LRRC18: variants seen among roughly 807,000 people sequenced by gnomAD.
LRRC18 encodes the protein leucine-rich repeat-containing protein 18.
In LRRC18, 12 loss-of-function variants were observed where a neutral mutation model predicts 11.2. The ratio of observed to expected loss-of-function variants is 1.07; its 90% CI spans 0.69 to 1.74. The LOEUF (loss-of-function observed/expected upper bound fraction) is 1.74. Ranked by LOEUF, LRRC18 falls within the 40% of genes most tolerant of loss-of-function variation. The probability of loss-of-function intolerance (pLI) is 0.00; values close to 1 mark genes in which losing one functional copy is unlikely to be tolerated. For synonymous variants in LRRC18, 155 were observed against 130.6 expected (o/e 1.19, Z -1.27); for missense variants, 374 against 330.5 (o/e 1.13, Z -1.02).
At chr10:48,932,753 A>G in the LRRC18 span, 1 of 152,154 alleles carries the variant, frequency 6.6e-6, no homozygotes, top group East Asian at 1.9e-4. Context: ...GAGAATGCCA[A>G]AGTCAGAAAG....
chr10:48,938,211 G>A, the LRRC18 span, among the ~76,000 whole-genome samples: 1 of 152,234 alleles, frequency 6.6e-6, no homozygotes, highest in Admixed American at 6.5e-5. Context: ...CACAACATGG[G>A]AGAATTTGGA....
chr10:48,931,261 G>A, the LRRC18 span, among the ~76,000 whole-genome samples: 1 of 152,216 alleles, frequency 6.6e-6, no homozygotes, highest in Non-Finnish European at 1.5e-5. Flanking sequence ...ACAGGAATTG[G>A]GCAGCAGGTG....
chr10:48,928,353 C>CGTGT, the LRRC18 span, among the ~76,000 whole-genome samples: 19,149 of 124,838 alleles, frequency 0.15, 1,676 homozygotes, highest in East Asian at 0.39. Flanking sequence ...TTGGTTTTGA[C>CGTGT]GTGTGTGTGT....
the LRRC18 span, among the ~76,000 whole-genome samples, chr10:48,935,811 C>T: frequency 6.6e-6 from 1 of 152,114 alleles, no homozygotes; most frequent in Non-Finnish European, 1.5e-5. Flanking sequence ...AATGAACACA[C>T]AGCAGTAAGC....
chr10:48,928,083 C>CAG, the LRRC18 span, among the ~76,000 whole-genome samples: 1 of 152,174 alleles, frequency 6.6e-6, no homozygotes, highest in Non-Finnish European at 1.5e-5. Flanking sequence ...CTGCTATTGC[C>CAG]AGACAGGTGT....
intron 1 of LRRC18, among the ~76,000 whole-genome samples, chr10:48,911,876 G>T (rs1838037745): frequency 6.6e-6 from 1 of 152,174 alleles, no homozygotes; most frequent in Non-Finnish European, 1.5e-5. Flanking sequence ...TGATAGGGTT[G>T]TCATAGCTAA....
chr10:48,912,109 A>T (rs2133481958), intron 1 of LRRC18, among the ~76,000 whole-genome samples: 1 of 152,328 alleles, frequency 6.6e-6, no homozygotes, highest in African/African-American at 2.4e-5. Flanking sequence ...TACCCACATG[A>T]AGGTGTGAGA....
chr10:48,910,115 G>T (rs377008312), exon 2 of LRRC18: 1 of 927,580 alleles, frequency 1.1e-6, no homozygotes, highest in African/African-American at 1.6e-5. Context: ...GGCCAGCTCC[G>T]GCGAGCCTGG....
At chr10:48,923,496 GTATA>G in the LRRC18 span, among the ~76,000 whole-genome samples, 28 of 63,252 alleles carry the variant, frequency 4.4e-4, 2 homozygotes, top group African/African-American at 8.7e-4. Context: ...ATAGTTTTTA[GTATA>G]TATATATATA....
the LRRC18 span, among the ~76,000 whole-genome samples, chr10:48,919,886 G>C: frequency 4.5e-4 from 69 of 152,130 alleles, no homozygotes; most frequent in African/African-American, 1.6e-3. Context: ...ATAGAATAGA[G>C]AGTGATTCTC....
chr10:48,938,314 A>G, the LRRC18 span, among the ~76,000 whole-genome samples: 1 of 152,256 alleles, frequency 6.6e-6, no homozygotes, highest in Non-Finnish European at 1.5e-5. Context: ...TTAGGGCTAC[A>G]CCTAGCCTCC....
chr10:48,938,390 C>G, the LRRC18 span, among the ~76,000 whole-genome samples: 776 of 152,340 alleles, frequency 5.1e-3, 3 homozygotes, highest in African/African-American at 0.018. Flanking sequence ...GAGGGTGCAG[C>G]CTTTAGCCAG....
upstream of LRRC18, among the ~76,000 whole-genome samples, chr10:48,915,056 G>C (rs56078611): frequency 0.15 from 22,469 of 152,146 alleles, 1,984 homozygotes; most frequent in African/African-American, 0.23. Flanking sequence ...TGCATGCTTG[G>C]CTTAGAAGTC....
At chr10:48,914,204 T>C (rs1336259025) in exon 1 of LRRC18, 36 of 1,555,216 alleles carry the variant, frequency 2.3e-5, no homozygotes, top group Non-Finnish European at 2.7e-5. Flanking sequence ...GATTGGATAG[T>C]GATCAGTGTG....
the LRRC18 span, among the ~76,000 whole-genome samples, chr10:48,930,236 T>C: frequency 2.0e-5 from 3 of 152,220 alleles, no homozygotes; most frequent in African/African-American, 7.2e-5. Context: ...ATAATCAACT[T>C]GACTCACTGT....
chr10:48,938,272 A>G, the LRRC18 span, among the ~76,000 whole-genome samples: 4 of 152,248 alleles, frequency 2.6e-5, no homozygotes, highest in South Asian at 8.3e-4. Flanking sequence ...GTCCCAGGTT[A>G]ACCTGCAGGC....
chr10:48,915,522 C>A (rs1392779217), upstream of LRRC18, among the ~76,000 whole-genome samples: 1 of 152,030 alleles, frequency 6.6e-6, no homozygotes, highest in Non-Finnish European at 1.5e-5. Context: ...GGGAGAGGTG[C>A]TCTACAGTTT....
At chr10:48,931,983 A>G in the LRRC18 span, among the ~76,000 whole-genome samples, 1 of 152,312 alleles carries the variant, frequency 6.6e-6, no homozygotes, top group Admixed American at 6.5e-5. Flanking sequence ...GTGCCTGAAA[A>G]GGCCGGTGGG....
the LRRC18 span, among the ~76,000 whole-genome samples, chr10:48,939,655 A>G: frequency 6.6e-6 from 1 of 152,246 alleles, no homozygotes; most frequent in African/African-American, 2.4e-5. Context: ...ACCAGTTACC[A>G]ACAAAATTCA....
Sources: allele counts gnomAD v4.1 joint callset (sites outside exome capture counted in the v4.1 genomes callset), GRCh38; gene constraint gnomAD v4.1.1; transcripts MANE v1.5; gene names NCBI Gene and HGNC (gene_info 2026-07-23, HGNC 2026-07-21).